Variants in TRERF1 observed in about 807,000 individuals in gnomAD.
TRERF1 encodes the protein transcriptional-regulating factor 1.
A neutral mutation model predicts 122.9 loss-of-function variants in TRERF1; 27 were observed. The observed-to-expected ratio is 0.22, with a 90% CI of 0.16 to 0.30. TRERF1 has a LOEUF of 0.30. TRERF1 is among the 10% of genes least tolerant of loss of function. The pLI, the probability that TRERF1 is intolerant of heterozygous loss-of-function variation, is 1.00. For synonymous variants in TRERF1, 636 were observed against 641.7 expected (o/e 0.99, Z 0.13); for missense variants, 1,248 against 1,560.3 (o/e 0.80, Z 3.37).
At chr6:42,443,152 C>A (rs568512673) in intron 2 of TRERF1, among the ~76,000 whole-genome samples, 5 of 152,280 alleles carry the variant, frequency 3.3e-5, no homozygotes, top group African/African-American at 1.2e-4. Context: ...TCAAAATCAA[C>A]GACACATATT....
intron 15 of TRERF1, among the ~76,000 whole-genome samples, chr6:42,239,674 G>A (rs944394002): frequency 6.6e-6 from 1 of 152,038 alleles, no homozygotes; most frequent in African/African-American, 2.4e-5. Context: ...AGGCCCCGAG[G>A]ACAAAGAGTA....
intron 2 of TRERF1, among the ~76,000 whole-genome samples, chr6:42,423,354 A>AG (rs1318249996): frequency 6.6e-6 from 1 of 152,244 alleles, no homozygotes; most frequent in Non-Finnish European, 1.5e-5. Context: ...TATTTGAGCC[A>AG]AAACTTAAAA....
intron 3 of TRERF1, among the ~76,000 whole-genome samples, chr6:42,305,454 A>G (rs1258511619): frequency 6.6e-6 from 1 of 152,138 alleles, no homozygotes; most frequent in Non-Finnish European, 1.5e-5. Context: ...GTTAAGGGAG[A>G]GTGAAGATTA....
intron 4 of TRERF1, among the ~76,000 whole-genome samples, chr6:42,288,125 C>T (rs767491058): frequency 3.9e-5 from 6 of 152,040 alleles, no homozygotes; most frequent in Non-Finnish European, 5.9e-5. Context: ...CATAACAAAA[C>T]ATTTATTGCA....
At chr6:42,245,756 A>G (rs893994036) in intron 14 of TRERF1, among the ~76,000 whole-genome samples, 7 of 152,230 alleles carry the variant, frequency 4.6e-5, no homozygotes, top group Non-Finnish European at 8.8e-5. Context: ...GGGAGGCCAC[A>G]TATTCTCCTC....
At chr6:42,343,875 G>A (rs1767763207) in intron 3 of TRERF1, among the ~76,000 whole-genome samples, 1 of 152,252 alleles carries the variant, frequency 6.6e-6, no homozygotes, top group Admixed American at 6.5e-5. Context: ...ACAGTGCTAA[G>A]AGGGTAGGGG....
chr6:42,263,638 T>C lies in TRERF1; in HGVS notation c.1636-70A>G. The C allele has an allele frequency of 7.1e-7, 1 of 1,404,628 alleles. No individual in the cohort carries two copies. Among genetic ancestry groups the C allele is most frequent in the East Asian group, 2.6e-5 (1 of 38,656 alleles). The allele number at this position is 1,404,628 out of a possible 1,614,324, so 87.0% of individuals were successfully genotyped here. Reference sequence around the variant, plus strand: ...TCACAAGGGGGATGCACTTTGCTTTTCCCGAAAGGTTCCAGGACATCAGGT... The same window carrying C: ...TCACAAGGGGGATGCACTTTGCTTTCCCCGAAAGGTTCCAGGACATCAGGT... On this transcript the variant is annotated intron_variant, in intron 7 of 17. Transcript: ENST00000372922. The surrounding 1 kb of genome is among the most constrained non-coding windows in gnomAD (Gnocchi z 5.6).
chr6:42,399,275 T>A (rs548289659), intron 2 of TRERF1, among the ~76,000 whole-genome samples: 131 of 152,188 alleles, frequency 8.6e-4, no homozygotes, highest in Non-Finnish European at 1.5e-3. Flanking sequence ...ACCAATACTG[T>A]AGTCAAATTA....
At chr6:42,326,173 T>A (rs1764256790) in intron 3 of TRERF1, among the ~76,000 whole-genome samples, 1 of 151,382 alleles carries the variant, frequency 6.6e-6, no homozygotes, top group Non-Finnish European at 1.5e-5. Flanking sequence ...AGAGGAAAAA[T>A]TGAAATAAAA....
chr6:42,399,706 A>G (rs1383727055), intron 2 of TRERF1, among the ~76,000 whole-genome samples: 4 of 152,210 alleles, frequency 2.6e-5, no homozygotes, highest in Non-Finnish European at 5.9e-5. Flanking sequence ...GAACTTGACC[A>G]TGGGGAAGGA....
intron 4 of TRERF1, among the ~76,000 whole-genome samples, chr6:42,283,766 G>A (rs933813169): frequency 6.6e-5 from 10 of 151,854 alleles, no homozygotes; most frequent in Middle Eastern, 3.4e-3. Flanking sequence ...ACAGGCATGC[G>A]CCACCGTGCC....
At chr6:42,311,772 A>G (rs1761705341) in intron 3 of TRERF1, among the ~76,000 whole-genome samples, 1 of 142,904 alleles carries the variant, frequency 7.0e-6, no homozygotes, top group African/African-American at 2.8e-5. Flanking sequence ...TCTCAAAAAA[A>G]AAAAAAAAAA....
At chr6:42,235,797 T>C (rs998226142) in intron 16 of TRERF1, among the ~76,000 whole-genome samples, 3 of 152,242 alleles carry the variant, frequency 2.0e-5, no homozygotes, top group Non-Finnish European at 2.9e-5. Context: ...CAAGTAATTA[T>C]GTCATAAAAG....
At chr6:42,355,902 A>G (rs889757658) in intron 3 of TRERF1, among the ~76,000 whole-genome samples, 2 of 152,254 alleles carry the variant, frequency 1.3e-5, no homozygotes, top group Admixed American at 1.3e-4. Flanking sequence ...TAAGAGGCAC[A>G]TGAAGGTTAT....
chr6:42,434,336 T>G (rs962531696), intron 2 of TRERF1, among the ~76,000 whole-genome samples: 6 of 151,050 alleles, frequency 4.0e-5, no homozygotes, highest in African/African-American at 1.5e-4. Flanking sequence ...CCACAGGGGA[T>G]CCATATGAAG....
At position 42,263,650 on chromosome 6, in the gene TRERF1, C is replaced by T. The variant is rs1212032284; in HGVS notation, c.1636-82G>A. 2 of 1,401,026 alleles carry T rather than the reference C, an allele frequency of 1.4e-6. No homozygotes were observed. Among genetic ancestry groups the T allele is most frequent in the Non-Finnish European group, 1.9e-6 (2 of 1,073,258 alleles). The allele number at this position is 1,401,026 out of a possible 1,614,324, so 86.8% of individuals were successfully genotyped here. ...TGCACTTTGCTTTTCCCGAAAGGTT[C>T]CAGGACATCAGGTATGGGTGATAGA... On this transcript the variant is annotated intron_variant, in intron 7 of 17. Coordinates refer to ENST00000372922, the Ensembl canonical transcript of TRERF1. This position sits in a 1 kb window ranked among gnomAD's most constrained non-coding sequence, Gnocchi z 5.6.
intron 3 of TRERF1, among the ~76,000 whole-genome samples, chr6:42,320,707 C>T (rs1173271481): frequency 6.6e-6 from 1 of 152,108 alleles, no homozygotes; most frequent in African/African-American, 2.4e-5. Flanking sequence ...GATGGGATTT[C>T]GCCATGTTGG....
intron 2 of TRERF1, among the ~76,000 whole-genome samples, chr6:42,421,032 C>T (rs1368882588): frequency 1.3e-5 from 2 of 152,240 alleles, no homozygotes; most frequent in African/African-American, 4.8e-5. Flanking sequence ...GAAAGCTGGG[C>T]TCAGGTTCAA....
intron 2 of TRERF1, among the ~76,000 whole-genome samples, chr6:42,406,348 C>T (rs1461026264): frequency 6.6e-6 from 1 of 152,218 alleles, no homozygotes; most frequent in African/African-American, 2.4e-5. Context: ...CCCCTCTCCT[C>T]ACTCCACGGA....
Sources: gnomAD v4.1 joint callset for allele counts (sites outside exome capture counted in the v4.1 genomes callset) on GRCh38, gnomAD v4.1.1 for gene constraint, Gnocchi (gnomAD v3.1) non-coding constraint, MANE v1.5 for transcripts, NCBI Gene and HGNC (gene_info 2026-07-23, HGNC 2026-07-21) for gene names.